The following TMEM132D variants were observed in gnomAD, a reference collection of about 807,000 sequenced individuals.
The protein encoded by TMEM132D is transmembrane protein 132D.
Under a neutral mutation model 62.3 loss-of-function variants are expected in TMEM132D, and 21 were observed. The ratio of observed to expected loss-of-function variants is 0.34; its 90% CI spans 0.24 to 0.49. TMEM132D has a LOEUF of 0.49. Among genes scored for constraint, TMEM132D ranks in the 20% least tolerant of loss-of-function variants. TMEM132D has a pLI of 0.99. For synonymous variants in TMEM132D, 621 were observed against 575.6 expected (o/e 1.08, Z -1.13); for missense variants, 1,346 against 1,402.8 (o/e 0.96, Z 0.65).
intron 4 of TMEM132D, among the ~76,000 whole-genome samples, chr12:129,227,692 G>A (rs911570804): frequency 6.6e-6 from 1 of 151,788 alleles, no homozygotes; most frequent in Non-Finnish European, 1.5e-5. Context: ...TTGGTGTGCT[G>A]CACCCATTAA....
At chr12:129,390,723 C>T (rs539851219) in intron 3 of TMEM132D, among the ~76,000 whole-genome samples, 3 of 152,248 alleles carry the variant, frequency 2.0e-5, no homozygotes, top group Admixed American at 1.3e-4. Flanking sequence ...TGGGACCACT[C>T]GCTCTGCCCT....
chr12:129,539,486 G>A (rs1219921872), intron 2 of TMEM132D, among the ~76,000 whole-genome samples: 2 of 146,800 alleles, frequency 1.4e-5, no homozygotes, highest in Non-Finnish European at 3.0e-5. Flanking sequence ...CTCACTGCAA[G>A]CTCCACCTCC....
intron 3 of TMEM132D, among the ~76,000 whole-genome samples, chr12:129,349,203 A>G (rs925182405): frequency 1.2e-4 from 18 of 152,336 alleles, no homozygotes; most frequent in African/African-American, 4.1e-4. Context: ...ACAAATAACC[A>G]GGCTTTGTTG....
chr12:129,827,935 T>A lies in TMEM132D; in HGVS notation c.79+75326A>T, dbSNP rs1872704317. Among the ~76,000 whole-genome samples, 1 of 152,218 alleles carries A rather than the reference T, an allele frequency of 6.6e-6. No individual in the cohort carries two copies. ...TGGGCCACATGTTTGTTTATATTAA[T>A]GTTAATAACTTGCTAAGTAATGATA... On this transcript the variant is annotated intron_variant, in intron 1 of 8. Coordinates refer to ENST00000422113, the MANE Select transcript of TMEM132D (RefSeq NM_133448.3). The surrounding 1 kb of genome is among the most constrained non-coding windows in gnomAD (Gnocchi z 9.7).
chr12:129,128,104 G>C (rs972088994), intron 5 of TMEM132D, among the ~76,000 whole-genome samples: 1 of 152,186 alleles, frequency 6.6e-6, no homozygotes, highest in Non-Finnish European at 1.5e-5. Context: ...CAGCTAGAGG[G>C]CTGCATGTAC....
At chr12:129,326,134 T>G (rs543738655) in intron 4 of TMEM132D, among the ~76,000 whole-genome samples, 9 of 152,194 alleles carry the variant, frequency 5.9e-5, no homozygotes, top group Non-Finnish European at 1.2e-4. Context: ...GCTACCTGCC[T>G]TGGTTAATCC....
intron 4 of TMEM132D, among the ~76,000 whole-genome samples, chr12:129,316,137 A>G (rs748618897): frequency 2.6e-5 from 4 of 151,848 alleles, no homozygotes; most frequent in Non-Finnish European, 5.9e-5. Context: ...TGTTCTTTCA[A>G]TTTTATTTAG....
intron 1 of TMEM132D, among the ~76,000 whole-genome samples, chr12:129,886,119 C>A (rs567107487): frequency 6.6e-6 from 1 of 152,204 alleles, no homozygotes; most frequent in South Asian, 2.1e-4. Context: ...ACAATCAAAA[C>A]AATGAAAGGT....
In TMEM132D at chr12:129,182,580, G is replaced by A. The variant is rs541034097; in HGVS notation, c.1443+26940C>T. On this transcript the variant is annotated intron_variant, in intron 5 of 8. Transcript: ENST00000422113. ...CTCTTCCTGGAGAAGAGTTGGTTGT[G>A]TTTTCTGTGAAGGCCCTGGACTAAC... is the stretch of plus-strand genomic sequence containing the variant. 1.7e-4 allele frequency among the ~76,000 whole-genome samples: 26 copies of A among 152,316 alleles called. No individual in the cohort carries two copies. In the South Asian group the frequency reaches 5.2e-3, roughly 30 times the overall value.
At chr12:129,624,061 A>G (rs1879149336) in intron 2 of TMEM132D, among the ~76,000 whole-genome samples, 1 of 152,164 alleles carries the variant, frequency 6.6e-6, no homozygotes, top group Non-Finnish European at 1.5e-5. Flanking sequence ...TGAATAATAC[A>G]TGAGTGACTT....
chr12:129,576,693 G>A (rs1877670816), intron 2 of TMEM132D, among the ~76,000 whole-genome samples: 2 of 151,724 alleles, frequency 1.3e-5, no homozygotes, highest in Non-Finnish European at 2.9e-5. Flanking sequence ...TCAAAAATCT[G>A]TGAATAACTT....
chr12:129,770,141 T>C (rs1340124108), intron 1 of TMEM132D, among the ~76,000 whole-genome samples: 2 of 12,094 alleles, frequency 1.7e-4, no homozygotes, highest in South Asian at 6.2e-3. Context: ...GTTTTTTTGG[T>C]TGTTTTTTTT....
chr12:129,342,745 C>T (rs2135662689), intron 3 of TMEM132D, among the ~76,000 whole-genome samples: 1 of 152,140 alleles, frequency 6.6e-6, no homozygotes, highest in South Asian at 2.1e-4. Context: ...AACAAACAAC[C>T]CCATCAAAAA....
At chr12:129,615,856 T>C (rs1002716206) in intron 2 of TMEM132D, among the ~76,000 whole-genome samples, 7 of 148,364 alleles carry the variant, frequency 4.7e-5, no homozygotes, top group African/African-American at 1.7e-4. Context: ...AAGATAGCTG[T>C]GAGAACACAG....
At chr12:129,599,319 T>C in intron 2 of TMEM132D, among the ~76,000 whole-genome samples, 1 of 152,230 alleles carries the variant, frequency 6.6e-6, no homozygotes, top group East Asian at 1.9e-4. Context: ...CAGTGAATTA[T>C]TAGCAATCCT....
Position 129,550,623 on chromosome 12 carries a change from G to A in TMEM132D, c.969-19418C>T, listed in dbSNP as rs551436371. On this transcript the variant is annotated intron_variant, in intron 2 of 8. Coordinates refer to ENST00000422113, the MANE Select transcript of TMEM132D (RefSeq NM_133448.3). ...TACCAGTCTGCAGTAATGACACTGG[G>A]TGAAAGCTAAGTGCTAAACTGGTTG... Among the ~76,000 whole-genome samples the A allele has an allele frequency of 2.0e-5, 3 of 152,298 alleles. No homozygotes were observed. In the East Asian group the frequency reaches 5.8e-4, roughly 29 times the overall value.
chr12:129,378,332 AG>A (rs1478381124), intron 3 of TMEM132D, among the ~76,000 whole-genome samples: 1 of 152,210 alleles, frequency 6.6e-6, no homozygotes, highest in Non-Finnish European at 1.5e-5. Flanking sequence ...CGTTGATCAA[AG>A]CAACACTACT....
intron 2 of TMEM132D, among the ~76,000 whole-genome samples, chr12:129,590,572 G>A (rs34075194): frequency 0.19 from 28,170 of 152,108 alleles, 3,025 homozygotes; most frequent in Middle Eastern, 0.27. Context: ...TTTTTCACTG[G>A]CTGTGTAAAT....
At chr12:129,427,968 G>A (rs191440718) in intron 3 of TMEM132D, among the ~76,000 whole-genome samples, 22 of 151,788 alleles carry the variant, frequency 1.4e-4, no homozygotes, top group Admixed American at 9.8e-4. Flanking sequence ...ATCCTCTCTC[G>A]GATAAACAGA....
Sources: allele counts gnomAD v4.1 joint callset (sites outside exome capture counted in the v4.1 genomes callset), GRCh38; gene constraint gnomAD v4.1.1; non-coding constraint Gnocchi (gnomAD v3.1); transcripts MANE v1.5; gene names NCBI Gene and HGNC (gene_info 2026-07-23, HGNC 2026-07-21).